The following PTPRG variants were observed in gnomAD, a reference collection of about 807,000 sequenced individuals.
The protein encoded by PTPRG is protein tyrosine phosphatase receptor type G.
PTPRG carries 102 observed loss-of-function variants against 165.3 expected under a neutral mutation model. That is an observed-to-expected ratio of 0.62 (90% CI 0.53 to 0.73). PTPRG has a LOEUF of 0.73. Among genes scored for constraint, PTPRG ranks in the 30% least tolerant of loss-of-function variants. PTPRG has a pLI of 0.00. For missense variants in PTPRG, 1,866 were observed against 1,861.4 expected (o/e 1.00, Z -0.05); for synonymous variants, 675 against 669.5 (o/e 1.01, Z -0.13).
intron 1 of PTPRG, among the ~76,000 whole-genome samples, chr3:61,588,295 T>A (rs1700484338): frequency 6.6e-6 from 1 of 152,210 alleles, no homozygotes; most frequent in Non-Finnish European, 1.5e-5. Flanking sequence ...ACCCCTATTA[T>A]ACATACTTTC....
intron 1 of PTPRG, among the ~76,000 whole-genome samples, chr3:61,650,129 T>C (rs1575563336): frequency 6.6e-6 from 1 of 152,148 alleles, no homozygotes; most frequent in Admixed American, 6.5e-5. Context: ...CCTGGTACTT[T>C]TTTTCCCCTG....
intron 2 of PTPRG, among the ~76,000 whole-genome samples, chr3:61,814,058 G>A (rs1431862649): frequency 6.6e-6 from 1 of 151,986 alleles, no homozygotes; most frequent in Middle Eastern, 3.2e-3. Flanking sequence ...GTGCCACAAG[G>A]CCTGACTAAT....
intron 1 of PTPRG, among the ~76,000 whole-genome samples, chr3:61,585,554 G>A (rs968399477): frequency 9.9e-5 from 15 of 152,174 alleles, no homozygotes; most frequent in African/African-American, 3.6e-4. Flanking sequence ...ACACCAGCCT[G>A]GGCAACATGG....
chr3:61,620,817 CAG>C lies in PTPRG; in HGVS notation c.85+58446_85+58447del, dbSNP rs1240703378. 4.0e-5 allele frequency among the ~76,000 whole-genome samples: 6 copies of C among 151,810 alleles called. No homozygotes were observed. In the East Asian group the frequency reaches 1.2e-3, roughly 30 times the overall value. ...CTAGTTTTTGTGTTTTTACTAGAGA[CAG>C]GGTTTCACTATGTTGGCCAGGCAGG... On this transcript the variant is annotated intron_variant, in intron 1 of 29. Coordinates refer to ENST00000474889, the MANE Select transcript of PTPRG (RefSeq NM_002841.4).
rs1182718878 is a variant in PTPRG, at chr3:61,637,153, C to G, written c.85+74781C>G. Among the ~76,000 whole-genome samples the G allele has an allele frequency of 2.6e-4, 39 of 152,126 alleles. 2 individuals carry two copies. The highest frequency in any genetic ancestry group is 2.6e-3 in the Admixed American group (39 of 15,264). On this transcript the variant is annotated intron_variant, in intron 1 of 29. Transcript: ENST00000474889. ...TTTTTATATTCATATGCAATATTTTCAATTCTAAAAATCCTTATGTTTGTA... is the reference window on the plus strand; with the variant it reads ...TTTTTATATTCATATGCAATATTTTGAATTCTAAAAATCCTTATGTTTGTA...
intron 16 of PTPRG, chr3:62,260,939 G>T (rs753125144): frequency 6.6e-5 from 10 of 152,118 alleles, no homozygotes; most frequent in Non-Finnish European, 1.5e-4. Flanking sequence ...TGAAACAGAG[G>T]CAACAGATCA....
intron 2 of PTPRG, among the ~76,000 whole-genome samples, chr3:61,755,228 G>A (rs900136570): frequency 2.0e-5 from 3 of 152,100 alleles, no homozygotes; most frequent in Non-Finnish European, 2.9e-5. Context: ...GGCTGGTCTC[G>A]AACTCCTGAC....
At chr3:62,183,520 CACCA>C (rs1559615716) in intron 8 of PTPRG, among the ~76,000 whole-genome samples, 3 of 149,332 alleles carry the variant, frequency 2.0e-5, no homozygotes, top group Non-Finnish European at 4.4e-5. Context: ...GCCAAGATTA[CACCA>C]CTGCACTCCA....
chr3:61,747,846 TATC>T (rs1365421090), intron 1 of PTPRG, among the ~76,000 whole-genome samples: 6 of 152,310 alleles, frequency 3.9e-5, no homozygotes, highest in Non-Finnish European at 5.9e-5. Context: ...ATTTAAATGT[TATC>T]ATAGTCAGCT....
intron 5 of PTPRG, chr3:62,124,472 A>T: frequency 1.2e-6 from 2 of 1,612,216 alleles, no homozygotes; most frequent in Non-Finnish European, 1.7e-6. Flanking sequence ...CAGCTCCTTG[A>T]GCTTGGAGTA....
intron 2 of PTPRG, among the ~76,000 whole-genome samples, chr3:61,977,164 T>A (rs1264137399): frequency 6.6e-6 from 1 of 152,004 alleles, no homozygotes; most frequent in Non-Finnish European, 1.5e-5. Context: ...GCCTTAAATG[T>A]AAAAAGAGTA....
intron 2 of PTPRG, among the ~76,000 whole-genome samples, chr3:61,981,143 C>T (rs983402581): frequency 6.6e-6 from 1 of 152,122 alleles, no homozygotes; most frequent in Non-Finnish European, 1.5e-5. Flanking sequence ...ATTGAGTGCC[C>T]AGCACAGGGG....
intron 10 of PTPRG, among the ~76,000 whole-genome samples, chr3:62,196,584 G>A (rs1013142395): frequency 1.3e-5 from 2 of 152,062 alleles, no homozygotes; most frequent in Non-Finnish European, 2.9e-5. Context: ...CTGTAGCCAC[G>A]GGCCGTAGTT....
chr3:61,589,840 G>A (rs1471936974), intron 1 of PTPRG, among the ~76,000 whole-genome samples: 1 of 152,146 alleles, frequency 6.6e-6, no homozygotes, highest in Admixed American at 6.5e-5. Flanking sequence ...CCTAAACTCA[G>A]CATGGAAAAT....
Position 62,254,754 on chromosome 3 carries a change from A to T in PTPRG, c.2468-370A>T, listed in dbSNP as rs977610087. Among the ~76,000 whole-genome samples, 19 of 152,016 alleles carry T rather than the reference A, an allele frequency of 1.2e-4. No homozygotes were observed. Among genetic ancestry groups the T allele is most frequent in the African/African-American group, 4.4e-4 (18 of 41,338 alleles). On this transcript the variant is annotated intron_variant, in intron 15 of 29. Coordinates refer to ENST00000474889, the MANE Select transcript of PTPRG (RefSeq NM_002841.4). The surrounding 1 kb of genome is among the most constrained non-coding windows in gnomAD (Gnocchi z 4.6). ...AAAAAAAAACAACAACAACAACAAC[A>T]AAGAAAACCCCTGGTGTGATAAAAT...
In PTPRG at chr3:62,044,826, C is replaced by G. The variant is rs554118811; in HGVS notation, c.520-33337C>G. Among the ~76,000 whole-genome samples the G allele has an allele frequency of 3.3e-5, 5 of 152,220 alleles. No individual in the cohort carries two copies. The South Asian group carries it at 1.0e-3, about 32-fold the overall frequency. The stretch of plus-strand genomic sequence containing the variant: ...TTGGAATTAATTACCCTTCTGTATT[C>G]TTATTTACTTTGTCCTGTATGTTTA... On this transcript the variant is annotated intron_variant, in intron 4 of 29. Coordinates refer to ENST00000474889, the MANE Select transcript of PTPRG (RefSeq NM_002841.4).
chr3:62,163,503 C>T (rs1005410914), intron 7 of PTPRG, among the ~76,000 whole-genome samples: 2 of 152,038 alleles, frequency 1.3e-5, no homozygotes, highest in African/African-American at 4.8e-5. Flanking sequence ...AATGTCATTA[C>T]TTTAAGCTAA....
intron 20 of PTPRG, among the ~76,000 whole-genome samples, chr3:62,270,877 T>C (rs1702038504): frequency 6.6e-6 from 1 of 152,148 alleles, no homozygotes; most frequent in African/African-American, 2.4e-5. Flanking sequence ...AAATGAGACA[T>C]TGCCTCTGAC....
At chr3:61,635,780 C>T (rs1701892811) in intron 1 of PTPRG, among the ~76,000 whole-genome samples, 1 of 152,104 alleles carries the variant, frequency 6.6e-6, no homozygotes, top group African/African-American at 2.4e-5. Flanking sequence ...ACATTTTGTA[C>T]TCTTGAACAT....
Sources: gnomAD v4.1 joint callset for allele counts (sites outside exome capture counted in the v4.1 genomes callset) on GRCh38, gnomAD v4.1.1 for gene constraint, Gnocchi (gnomAD v3.1) non-coding constraint, MANE v1.5 for transcripts, NCBI Gene and HGNC (gene_info 2026-07-23, HGNC 2026-07-21) for gene names.